The following PRKCB variants were observed in gnomAD, a reference collection of about 807,000 sequenced individuals.
The protein encoded by PRKCB is protein kinase C beta, also known as protein kinase C beta type.
PRKCB carries 13 observed loss-of-function variants against 81.5 expected under a neutral mutation model. The ratio of observed to expected loss-of-function variants is 0.16; its 90% CI spans 0.10 to 0.25. PRKCB has a LOEUF of 0.25. Ranked by LOEUF, PRKCB falls within the 10% of genes least tolerant of loss-of-function variation. PRKCB has a pLI of 1.00. For synonymous variants in PRKCB, 335 were observed against 321.4 expected (o/e 1.04, Z -0.45); for missense variants, 509 against 875.7 (o/e 0.58, Z 5.29).
chr16:23,927,495 G>A (rs1963913041), intron 2 of PRKCB, among the ~76,000 whole-genome samples: 1 of 151,964 alleles, frequency 6.6e-6, no homozygotes, highest in Non-Finnish European at 1.5e-5. Context: ...TTTTTTCTAA[G>A]CATTACATGA....
chr16:23,936,255 T>G (rs936202286), intron 2 of PRKCB, among the ~76,000 whole-genome samples: 5 of 152,000 alleles, frequency 3.3e-5, no homozygotes, highest in Non-Finnish European at 7.4e-5. Flanking sequence ...ATGACTGGCA[T>G]TTGTTCTGAT....
intron 3 of PRKCB, among the ~76,000 whole-genome samples, chr16:24,027,840 G>A (rs1458666657): frequency 6.6e-6 from 1 of 152,144 alleles, no homozygotes; most frequent in Admixed American, 6.5e-5. Context: ...CGTGATCATA[G>A]CTCACTGCAG....
At position 24,116,306 on chromosome 16, in the gene PRKCB, C is replaced by T. The variant is rs139261442; in HGVS notation, c.918+3237C>T. ...GCACGGTGGCTCATGCCTATAATCC[C>T]AGCACTTTGGGAGGCTGAGGCAGGA... On this transcript the variant is annotated intron_variant, in intron 8 of 16. Coordinates refer to ENST00000643927, the MANE Select transcript of PRKCB (RefSeq NM_002738.7). Among the ~76,000 whole-genome samples the T allele has an allele frequency of 2.2e-3, 335 of 152,086 alleles. 3 individuals are homozygous for T. The highest frequency in any genetic ancestry group is 7.9e-3 in the African/African-American group (328 of 41,462).
In PRKCB at chr16:24,021,341, TCCTTCCTTCCTTCCTCCTTC is replaced by T. The variant is rs1965397610; in HGVS notation, c.289-10791_289-10772del. Among the ~76,000 whole-genome samples, 4 of 42,426 alleles carry T rather than the reference TCCTTCCTTCCTTCCTCCTTC, an allele frequency of 9.4e-5. 2 individuals carry two copies. Among genetic ancestry groups the T allele is most frequent in the African/African-American group, 4.9e-4 (4 of 8,110 alleles). 27.8% of individuals were successfully genotyped at this position (42,426 alleles called of 152,430 possible). On this transcript the variant is annotated intron_variant, in intron 3 of 16. Transcript: ENST00000643927. ...TTCCTTCCTTCCTTCCTTCCTTCCTTCCTTCCTTCCTTCCTCCTTCCCTCCCTCCCTCCCCCCTCCTCCAT... is the reference window on the plus strand; with the variant it reads ...TTCCTTCCTTCCTTCCTTCCTTCCTTCCTCCCTCCCTCCCCCCTCCTCCAT...
chr16:23,895,251 A>G (rs1225830849), intron 2 of PRKCB, among the ~76,000 whole-genome samples: 1 of 152,134 alleles, frequency 6.6e-6, no homozygotes, highest in South Asian at 2.1e-4. Context: ...CTCTTTTCTC[A>G]TTCTTACTGA....
At chr16:24,109,413 C>T (rs1966640660) in intron 7 of PRKCB, among the ~76,000 whole-genome samples, 1 of 126,532 alleles carries the variant, frequency 7.9e-6, no homozygotes, top group South Asian at 2.6e-4. Flanking sequence ...CAGAGATGCT[C>T]CTCACCTCCC....
At chr16:24,087,700 T>C (rs1966326717) in intron 5 of PRKCB, among the ~76,000 whole-genome samples, 1 of 152,224 alleles carries the variant, frequency 6.6e-6, no homozygotes, top group African/African-American at 2.4e-5. Flanking sequence ...GACAGATAAT[T>C]GTATCTTCTT....
intron 9 of PRKCB, among the ~76,000 whole-genome samples, chr16:24,131,982 T>C (rs901999022): frequency 2.6e-5 from 4 of 152,220 alleles, no homozygotes; most frequent in Admixed American, 2.6e-4. Flanking sequence ...CCCTCCTCCA[T>C]ATCCTTTCCT....
rs1405090025 is a variant in PRKCB, at chr16:24,220,108, G to A, written c.*5292G>A. ...TACTAACCCAGAGTTTGTCATTAAT[G>A]TGTAGGTGAATGCAAACTCCATCGT... On this transcript the variant is annotated 3_prime_UTR_variant, in exon 17 of 17. Transcript: ENST00000643927. The A allele has an allele frequency of 4.3e-6, 7 of 1,614,080 alleles. No individual in the cohort carries two copies. The East Asian group carries it at 8.9e-5, about 21-fold the overall frequency.
At chr16:23,871,362 C>T (rs188679884) in intron 2 of PRKCB, among the ~76,000 whole-genome samples, 123 of 152,234 alleles carry the variant, frequency 8.1e-4, no homozygotes, top group African/African-American at 2.9e-3. Flanking sequence ...CAGCAGAGAC[C>T]GTGGAATGAA....
intron 5 of PRKCB, among the ~76,000 whole-genome samples, chr16:24,040,423 T>C (rs1326231097): frequency 6.6e-6 from 1 of 152,196 alleles, no homozygotes; most frequent in Admixed American, 6.5e-5. Context: ...CTCGGTTCAT[T>C]TTTACCATCT....
chr16:23,973,161 A>G lies in PRKCB; in HGVS notation c.206-15347A>G, dbSNP rs532071767. ...AGGACGGAAGTGATATTTAATCCTC[A>G]GTGAAATGATTTTTTTCTTTTTAAT... is the stretch of plus-strand genomic sequence containing the variant. On this transcript the variant is annotated intron_variant, in intron 2 of 16. Coordinates refer to ENST00000643927, the MANE Select transcript of PRKCB (RefSeq NM_002738.7). 3.9e-4 allele frequency among the ~76,000 whole-genome samples: 60 copies of G among 152,110 alleles called. No individual in the cohort carries two copies. The South Asian group carries it at 7.1e-3, about 18-fold the overall frequency.
At chr16:23,944,423 T>A (rs891965228) in intron 2 of PRKCB, among the ~76,000 whole-genome samples, 1 of 152,350 alleles carries the variant, frequency 6.6e-6, no homozygotes, top group African/African-American at 2.4e-5. Context: ...GATTTTTTTT[T>A]ATTCACCCTG....
At chr16:23,883,519 C>G (rs1470432809) in intron 2 of PRKCB, among the ~76,000 whole-genome samples, 1 of 152,136 alleles carries the variant, frequency 6.6e-6, no homozygotes, top group Non-Finnish European at 1.5e-5. Context: ...TGCAAAGGAT[C>G]AGATTTGTAT....
intron 5 of PRKCB, among the ~76,000 whole-genome samples, chr16:24,084,734 C>G (rs1966291411): frequency 6.6e-6 from 1 of 152,002 alleles, no homozygotes. Flanking sequence ...ACATATAATA[C>G]CAAAGATCAA....
At chr16:24,040,963 G>A (rs903215730) in intron 5 of PRKCB, among the ~76,000 whole-genome samples, 2 of 152,140 alleles carry the variant, frequency 1.3e-5, no homozygotes, top group Admixed American at 6.5e-5. Context: ...GCCCATAGGT[G>A]TCATGAGATC....
At chr16:23,924,302 T>C (rs1963867191) in intron 2 of PRKCB, among the ~76,000 whole-genome samples, 1 of 152,014 alleles carries the variant, frequency 6.6e-6, no homozygotes, top group Admixed American at 6.6e-5. Context: ...TCCCCAACCA[T>C]GCGGAACTGT....
chr16:24,138,466 A>AT (rs1966872806), intron 9 of PRKCB, among the ~76,000 whole-genome samples: 1 of 152,228 alleles, frequency 6.6e-6, no homozygotes, highest in Non-Finnish European at 1.5e-5. Flanking sequence ...ATCTGCTTTT[A>AT]TTTTAACTAT....
chr16:24,144,455 T>A (rs1054335602), intron 9 of PRKCB, among the ~76,000 whole-genome samples: 1 of 152,154 alleles, frequency 6.6e-6, no homozygotes, highest in Non-Finnish European at 1.5e-5. Context: ...TGTGCTATCA[T>A]GCCCAGCTAA....
Sources: gnomAD v4.1 joint callset for allele counts (sites outside exome capture counted in the v4.1 genomes callset) on GRCh38, gnomAD v4.1.1 for gene constraint, MANE v1.5 for transcripts, NCBI Gene and HGNC (gene_info 2026-07-23, HGNC 2026-07-21) for gene names.